NINL: variants seen among roughly 807,000 people sequenced by gnomAD.
NINL encodes ninein-like protein.
NINL carries 153 observed loss-of-function variants against 160.3 expected under a neutral mutation model. The observed-to-expected ratio is 0.95, with a 90% CI of 0.84 to 1.09. The LOEUF is 1.09. Among genes scored for constraint, NINL ranks in the 50% least tolerant of loss-of-function variants. The pLI is 0.00. For missense variants in NINL, 1,829 were observed against 1,764.0 expected (o/e 1.04, Z -0.66); for synonymous variants, 800 against 734.8 (o/e 1.09, Z -1.43).
intron 13 of NINL, among the ~76,000 whole-genome samples, chr20:25,484,173 G>T (rs2063459786): frequency 6.6e-6 from 1 of 152,046 alleles, no homozygotes; most frequent in African/African-American, 2.4e-5. Context: ...AATAAAAGTT[G>T]AAAGAAAAAA....
chr20:25,477,020 C>A lies in NINL; in HGVS notation c.2271G>T (p.Leu757=). The A allele has an allele frequency of 6.2e-7, 1 of 1,600,440 alleles. No individual in the cohort carries two copies. The highest frequency in any genetic ancestry group is 8.5e-7 in the Non-Finnish European group (1 of 1,179,724). ...GLGALPARRD[L]TLELEEPPQG... ...GCGGCGGCTCCTCCAGCTCCAAGGT[C>A]AGGTCTCTGCGAGCGGGCAGGGCTC... Residue 757 remains leucine (L), a synonymous_variant, in exon 17 of 24, where the codon CTG becomes CTT. Coordinates refer to ENST00000278886, the MANE Select transcript of NINL (RefSeq NM_025176.6).
At position 25,476,316 on chromosome 20, in the gene NINL, T is replaced by C. The variant is rs1006533465; in HGVS notation, c.2975A>G (p.Glu992Gly). Residue 992 changes from glutamate to glycine, a missense_variant, in exon 17 of 24, where the codon GAG becomes GGG. Physicochemically the swap from Glu to Gly is moderately conservative, Grantham distance 98. Coordinates refer to ENST00000278886, the MANE Select transcript of NINL (RefSeq NM_025176.6). Reference protein sequence around the residue: ...RARSWSRGTQEQASEQQARAE... With the variant: ...RARSWSRGTQGQASEQQARAE... ...CCGGGCCTGCTGCTCCGAGGCCTGC[T>C]CCTGGGTGCCCCTGCTCCAGCTTCG... 2 of 1,613,096 alleles carry C rather than the reference T, an allele frequency of 1.2e-6. No homozygotes were observed. The highest frequency in any genetic ancestry group is 1.7e-6 in the Non-Finnish European group (2 of 1,179,948).
intron 21 of NINL, among the ~76,000 whole-genome samples, chr20:25,461,102 T>G (rs1460016623): frequency 6.6e-6 from 1 of 152,150 alleles, no homozygotes; most frequent in Non-Finnish European, 1.5e-5. Flanking sequence ...GCCTCTCACC[T>G]GCGGGGCCAG....
chr20:25,471,715 G>C (rs1227262852), intron 17 of NINL, among the ~76,000 whole-genome samples: 1 of 152,248 alleles, frequency 6.6e-6, no homozygotes, highest in Non-Finnish European at 1.5e-5. Context: ...TAGCAGAATG[G>C]AGAAGCTGCA....
In NINL at chr20:25,481,979, AG is replaced by A. The variant is rs1568886763; in HGVS notation, c.1798del (p.Leu600SerfsTer15). On this transcript the variant is annotated frameshift_variant, in exon 14 of 24. Transcript: ENST00000278886. LOFTEE classifies it high-confidence loss of function. ...GGACGGGCTCCTACCTGCTGGGCCG[AG>A]TCCAGGGAGCTGCCGTCTGCGCCCA... ...PDGRRRQLPG[L>X]GPAGISFLGN... The A allele has an allele frequency of 4.4e-6, 7 of 1,597,286 alleles. No homozygotes were observed. In the South Asian group the frequency reaches 7.7e-5, roughly 18 times the overall value.
At chr20:25,570,207 G>C (rs150331688) in intron 1 of NINL, among the ~76,000 whole-genome samples, 2 of 152,234 alleles carry the variant, frequency 1.3e-5, no homozygotes, top group Non-Finnish European at 2.9e-5. Flanking sequence ...AGAAATTGCA[G>C]AGAAGAATTC....
At chr20:25,477,392 G>A (rs1393706065) in intron 16 of NINL, among the ~76,000 whole-genome samples, 1 of 152,194 alleles carries the variant, frequency 6.6e-6, no homozygotes, top group African/African-American at 2.4e-5. Context: ...GCAGCCCCTC[G>A]GCCGTGCAGG....
rs552087210 is a variant in NINL, at chr20:25,468,877, T to C, written c.3353+1114A>G. ...CACCGCCCTGTCCCCCGACTCTCACTGGTGGGTGCCCCACTGTCCTGTCCC... is the reference window on the plus strand; with the variant it reads ...CACCGCCCTGTCCCCCGACTCTCACCGGTGGGTGCCCCACTGTCCTGTCCC... On this transcript the variant is annotated intron_variant, in intron 18 of 23. Coordinates refer to ENST00000278886, the MANE Select transcript of NINL (RefSeq NM_025176.6). Among the ~76,000 whole-genome samples, 2 of 137,914 alleles carry C rather than the reference T, an allele frequency of 1.5e-5. 1 individual carries two copies. Among genetic ancestry groups the C allele is most frequent in the African/African-American group, 5.8e-5 (2 of 34,716 alleles). 90.5% of individuals were successfully genotyped at this position (137,914 alleles called of 152,430 possible). A position where few individuals can be genotyped will look rare whatever the true frequency, so the allele number is the denominator to read the frequency against.
chr20:25,501,034 A>G (rs1411525516), intron 7 of NINL, 24 bp from the exon 8 acceptor site: 2 of 1,609,250 alleles, frequency 1.2e-6, no homozygotes, highest in Admixed American at 3.4e-5. Context: ...AGACTTCCAT[A>G]GCGCCCAGCG....
chr20:25,565,202 T>C (rs1400749804), intron 1 of NINL, among the ~76,000 whole-genome samples: 2 of 152,120 alleles, frequency 1.3e-5, no homozygotes, highest in Non-Finnish European at 1.5e-5. Flanking sequence ...CAAAGAAAAG[T>C]AACCATTTTG....
At chr20:25,482,517 A>C (rs2146591284) in intron 13 of NINL, among the ~76,000 whole-genome samples, 1 of 151,428 alleles carries the variant, frequency 6.6e-6, no homozygotes, top group South Asian at 2.1e-4. Context: ...TAATTTATTT[A>C]TTTTTCTATT....
chr20:25,506,699 T>C (rs925969264), intron 5 of NINL, among the ~76,000 whole-genome samples: 3 of 152,186 alleles, frequency 2.0e-5, no homozygotes, highest in Non-Finnish European at 4.4e-5. Context: ...TACTGAACAC[T>C]GTACTGAAAG....
chr20:25,455,408 G>A (rs1329404397), intron 23 of NINL, among the ~76,000 whole-genome samples: 2 of 152,212 alleles, frequency 1.3e-5, no homozygotes, highest in Non-Finnish European at 2.9e-5. Context: ...TAGACCAGAG[G>A]TGCTTGGGGA....
At position 25,500,734 on chromosome 20, in the gene NINL, A is replaced by C. The variant is rs905292163; in HGVS notation, c.1032+106T>G. The C allele has an allele frequency of 7.3e-6, 9 of 1,232,106 alleles. No homozygotes were observed. The African/African-American group carries it at 1.4e-4, about 19-fold the overall frequency. 76.3% of individuals were successfully genotyped at this position (1,232,106 alleles called of 1,614,324 possible). Reference sequence around the variant, plus strand: ...GCATGGCATTCTCTGCACAGAGCACACACCCCTGCTGGGTCCCCTGGCTTG... The same window carrying C: ...GCATGGCATTCTCTGCACAGAGCACCCACCCCTGCTGGGTCCCCTGGCTTG... On this transcript the variant is annotated intron_variant, in intron 8 of 23. Transcript: ENST00000278886.
At position 25,453,655 on chromosome 20, in the gene NINL, G is replaced by A. The variant is rs2090590459; in HGVS notation, c.3958-13C>T. The A allele has an allele frequency of 7.5e-6, 12 of 1,590,074 alleles. No homozygotes were observed. The highest frequency in any genetic ancestry group is 1.7e-4 in the Middle Eastern group (1 of 5,884). ...TGTTCTTTTCAAACTAGAGAGGGGA[G>A]GAAGCCATGCTTTGCATGAGGCCGG... On this transcript the variant is annotated splice_polypyrimidine_tract_variant and intron_variant, in intron 23 of 23. Coordinates refer to ENST00000278886, the MANE Select transcript of NINL (RefSeq NM_025176.6).
rs978613198 is a variant in NINL at position 25,489,397 on chromosome 20, G to A, written c.1597-73C>T. ...GGGGACCTGCTTCTCCAGCCCCTGG[G>A]CTCCAAGAACCTGCCCAGCTTCTGC... is the stretch of plus-strand genomic sequence containing the variant. On this transcript the variant is annotated intron_variant, in intron 12 of 23. Coordinates refer to ENST00000278886, the MANE Select transcript of NINL (RefSeq NM_025176.6). The A allele has an allele frequency of 2.1e-6, 3 of 1,396,550 alleles. No homozygotes were observed. The Admixed American group carries it at 5.1e-5, about 24-fold the overall frequency. The allele number at this position is 1,396,550 out of a possible 1,614,324, so 86.5% of individuals were successfully genotyped here.
rs578125643 is a variant in NINL, at chr20:25,484,369, C to T, written c.1678-2269G>A. Among the ~76,000 whole-genome samples, 3 of 152,260 alleles carry T rather than the reference C, an allele frequency of 2.0e-5. No individual in the cohort carries two copies. In the East Asian group the frequency reaches 5.8e-4, roughly 29 times the overall value. On this transcript the variant is annotated intron_variant, in intron 13 of 23. Coordinates refer to ENST00000278886, the MANE Select transcript of NINL (RefSeq NM_025176.6). Reference sequence around the variant, plus strand: ...TAGGAGCGAGCAGCATGCCAGGCACCCAGATCCTGTCTCTAAAACCATTCC... The same window carrying T: ...TAGGAGCGAGCAGCATGCCAGGCACTCAGATCCTGTCTCTAAAACCATTCC...
chr20:25,517,712 A>G (rs747933683), intron 3 of NINL, 41 bp downstream of exon 3: 2 of 1,455,616 alleles, frequency 1.4e-6, no homozygotes, highest in South Asian at 1.3e-5. Context: ...AAAAGTTAAC[A>G]AACAAATAAT....
At chr20:25,454,012 A>C (rs2090604916) in intron 23 of NINL, among the ~76,000 whole-genome samples, 1 of 152,060 alleles carries the variant, frequency 6.6e-6, no homozygotes, top group African/African-American at 2.4e-5. Context: ...AGATCGCACC[A>C]CTGCACTCCA....
Sources: allele counts gnomAD v4.1 joint callset (sites outside exome capture counted in the v4.1 genomes callset), GRCh38; gene constraint gnomAD v4.1.1; transcripts MANE v1.5; gene names NCBI Gene and HGNC (gene_info 2026-07-23, HGNC 2026-07-21).